Variants in DIAPH2 observed in about 807,000 individuals in gnomAD.
DIAPH2 encodes the protein diaphanous related formin 2.
DIAPH2 carries 35 observed loss-of-function variants against 92.7 expected under a neutral mutation model. That is an observed-to-expected ratio of 0.38 (90% confidence interval 0.29 to 0.50). The LOEUF (loss-of-function observed/expected upper bound fraction) is 0.50, where lower values mean the gene tolerates loss of function less well. Among genes scored for constraint, DIAPH2 ranks in the 20% least tolerant of loss-of-function variants. The pLI, the probability that DIAPH2 is intolerant of heterozygous loss-of-function variation, is 0.94. For synonymous variants in DIAPH2, 301 were observed against 280.4 expected (o/e 1.07, Z -0.73); for missense variants, 701 against 819.5 (o/e 0.86, Z 1.77).
intron 26 of DIAPH2, among the ~76,000 whole-genome samples, chrX:97,435,967 C>T (rs778866452): frequency 2.7e-5 from 3 of 110,008 alleles, no homozygotes; most frequent in Non-Finnish European, 5.7e-5. Flanking sequence ...CCACCACGCC[C>T]GGCTAATTTT....
intron 23 of DIAPH2, among the ~76,000 whole-genome samples, chrX:97,257,148 A>G (rs1279923744): frequency 8.9e-6 from 1 of 111,961 alleles, no homozygotes; most frequent in Non-Finnish European, 1.9e-5. Flanking sequence ...GGAAAAAAAT[A>G]TATGACATTA....
At chrX:97,365,823 T>C (rs1415712478) in intron 24 of DIAPH2, among the ~76,000 whole-genome samples, 1 of 109,082 alleles carries the variant, frequency 9.2e-6, no homozygotes, top group African/African-American at 3.3e-5. Flanking sequence ...TGCCCCAGCC[T>C]CCCAAGTAGC....
intron 5 of DIAPH2, among the ~76,000 whole-genome samples, chrX:96,910,728 A>G (rs776012465): frequency 9.0e-6 from 1 of 111,592 alleles, no homozygotes. Flanking sequence ...TTTAGTGGCT[A>G]TATATGAGCT....
At chrX:96,865,163 C>T (rs1168707011) in intron 4 of DIAPH2, among the ~76,000 whole-genome samples, 1 of 112,091 alleles carries the variant, frequency 8.9e-6, no homozygotes, top group Non-Finnish European at 1.9e-5. Flanking sequence ...TAATGAGCCT[C>T]CAAAAGACTA....
chrX:97,087,347 T>C (rs2066790675), intron 19 of DIAPH2, among the ~76,000 whole-genome samples: 1 of 112,102 alleles, frequency 8.9e-6, no homozygotes, highest in Admixed American at 9.4e-5. Context: ...TTTTCTTCAG[T>C]GTATATAGCT....
intron 20 of DIAPH2, among the ~76,000 whole-genome samples, chrX:97,101,741 A>G (rs1321569989): frequency 8.9e-6 from 1 of 112,496 alleles, no homozygotes; most frequent in Non-Finnish European, 1.9e-5. Context: ...GAATTGAATT[A>G]CAGGACAATT....
At position 97,118,725 on chromosome X, in the gene DIAPH2, G is replaced by A. The variant is rs187469717; in HGVS notation, c.2589+3760G>A. ...GATTAGCAGTAGTTCAGGGGAGGAA[G>A]GAATCTTTGGTGATTGGGCAGTGCT... On this transcript the variant is annotated intron_variant, in intron 21 of 26. Transcript: ENST00000324765. Among the ~76,000 whole-genome samples the A allele has an allele frequency of 9.8e-5, 11 of 111,983 alleles. No individual in the cohort carries two copies. The East Asian group carries it at 2.8e-3, about 29-fold the overall frequency.
At chrX:97,099,907 T>A in intron 20 of DIAPH2, 112 bp downstream of exon 20, 1 of 339,626 alleles carries the variant, frequency 2.9e-6, no homozygotes. Flanking sequence ...ACTGTATTGC[T>A]ACATAATTTA....
At chrX:96,819,449 A>G (rs991042652) in intron 4 of DIAPH2, among the ~76,000 whole-genome samples, 2 of 112,367 alleles carry the variant, frequency 1.8e-5, no homozygotes, top group African/African-American at 6.5e-5. Context: ...AATCAGGTAT[A>G]ACTGAACATT....
chrX:97,357,652 T>C (rs761622364), intron 24 of DIAPH2, among the ~76,000 whole-genome samples: 1 of 111,755 alleles, frequency 8.9e-6, no homozygotes, highest in South Asian at 3.8e-4. Context: ...CTACTGTGGG[T>C]CAAACACAGT....
intron 22 of DIAPH2, among the ~76,000 whole-genome samples, chrX:97,174,918 A>G (rs1293751421): frequency 1.8e-5 from 2 of 111,881 alleles, no homozygotes; most frequent in South Asian, 3.7e-4. Flanking sequence ...TTAGGACTAT[A>G]TCAGTTACGT....
intron 24 of DIAPH2, among the ~76,000 whole-genome samples, chrX:97,350,868 A>C (rs1047684142): frequency 1.7e-4 from 19 of 112,162 alleles, no homozygotes; most frequent in African/African-American, 6.2e-4. Context: ...ACAGAGTAAG[A>C]ATTTTTCATA....
chrX:96,847,713 C>T (rs143670538), intron 4 of DIAPH2, among the ~76,000 whole-genome samples: 192 of 110,244 alleles, frequency 1.7e-3, no homozygotes, highest in African/African-American at 6.1e-3. Flanking sequence ...ATCTGGTATA[C>T]AGATTATTTT....
chrX:97,416,140 G>T (rs2069944058), intron 25 of DIAPH2, among the ~76,000 whole-genome samples: 1 of 112,387 alleles, frequency 8.9e-6, no homozygotes, highest in African/African-American at 3.2e-5. Context: ...CTGCCCTTAA[G>T]AAATTATTGA....
chrX:97,438,347 T>TTTTTG (rs1569397481), intron 26 of DIAPH2, among the ~76,000 whole-genome samples: 40 of 81,553 alleles, frequency 4.9e-4, no homozygotes, highest in East Asian at 1.9e-3. Context: ...TGTTTTTTTT[T>TTTTTG]TTTGTTTGTT....
At chrX:97,099,898 C>G (rs1408901681) in intron 20 of DIAPH2, 103 bp downstream of exon 20, 1 of 362,541 alleles carries the variant, frequency 2.8e-6, no homozygotes, top group Non-Finnish European at 4.6e-6. Flanking sequence ...TTTTTCATTA[C>G]TGTATTGCTA....
intron 26 of DIAPH2, 63 bp downstream of exon 26, chrX:97,429,808 AC>A: frequency 5.1e-6 from 5 of 973,059 alleles, no homozygotes; most frequent in East Asian, 3.4e-5. Flanking sequence ...AAGTAGCAAC[AC>A]CAAAAAAAAA....
intron 26 of DIAPH2, among the ~76,000 whole-genome samples, chrX:97,472,925 T>G (rs1017264083): frequency 1.8e-5 from 2 of 112,089 alleles, no homozygotes; most frequent in African/African-American, 6.5e-5. Flanking sequence ...TTCACATTTC[T>G]CTATCCTGGT....
At chrX:97,123,950 A>C (rs2067074538) in intron 21 of DIAPH2, among the ~76,000 whole-genome samples, 2 of 112,202 alleles carry the variant, frequency 1.8e-5, no homozygotes, top group African/African-American at 6.5e-5. Context: ...TAGAAAGAAA[A>C]CTTGATGAAG....
Sources: allele counts gnomAD v4.1 joint callset (sites outside exome capture counted in the v4.1 genomes callset), GRCh38; gene constraint gnomAD v4.1.1; transcripts MANE v1.5; gene names NCBI Gene and HGNC (gene_info 2026-07-23, HGNC 2026-07-21).